EHMT1: variants seen among roughly 807,000 people sequenced by gnomAD.
EHMT1 encodes the protein histone-lysine N-methyltransferase EHMT1.
In EHMT1, 15 loss-of-function variants were observed where a neutral mutation model predicts 147.2. The ratio of observed to expected loss-of-function variants is 0.10; its 90% CI spans 0.07 to 0.16. The LOEUF is 0.16. EHMT1 is among the 10% of genes least tolerant of loss of function. The probability of loss-of-function intolerance (pLI) is 1.00; values close to 1 mark genes in which losing one functional copy is unlikely to be tolerated. For synonymous variants in EHMT1, 795 were observed against 709.6 expected, an observed-to-expected ratio of 1.12 and a Z score of -1.91; for missense variants, 1,587 against 1,772.4, an observed-to-expected ratio of 0.90 and a Z score of 1.88.
At chr9:137,636,490 CT>C (rs1389922938) in intron 1 of EHMT1, among the ~76,000 whole-genome samples, 2 of 151,962 alleles carry the variant, frequency 1.3e-5, no homozygotes, top group African/African-American at 2.4e-5. Flanking sequence ...TAGAGGAAAG[CT>C]TTTAGTTTTT....
At chr9:137,748,714 T>C (rs1948746551) in intron 6 of EHMT1, among the ~76,000 whole-genome samples, 3 of 152,268 alleles carry the variant, frequency 2.0e-5, no homozygotes, top group Non-Finnish European at 4.4e-5. Flanking sequence ...TTGAATACTT[T>C]TTCACATACT....
At chr9:137,728,610 G>T (rs930986243) in intron 4 of EHMT1, 81 bp downstream of exon 4, 3 of 1,580,760 alleles carry the variant, frequency 1.9e-6, no homozygotes, top group East Asian at 4.5e-5. Flanking sequence ...GTTCTGTTTG[G>T]CTGTAAGTGC....
chr9:137,717,279 T>A, intron 3 of EHMT1, 97 bp downstream of exon 3: 1 of 1,474,112 alleles, frequency 6.8e-7, no homozygotes, highest in Non-Finnish European at 9.2e-7. Context: ...AGCCAGTAAG[T>A]GTCAGTGGTT....
In EHMT1 at chr9:137,776,460, T is replaced by G; in HGVS notation, c.1792-158T>G. ...CCACGGGAAGCATCGTTCCTCCTTC[T>G]TAACGATGCCTGGGGCCAAGACTGG... On this transcript the variant is annotated intron_variant, in intron 11 of 26. Coordinates refer to ENST00000460843, the MANE Select transcript of EHMT1 (RefSeq NM_024757.5). The surrounding 1 kb of genome is among the most constrained non-coding windows in gnomAD (Gnocchi z 4.4). 1 of 679,306 alleles carries G rather than the reference T, an allele frequency of 1.5e-6. No individual in the cohort carries two copies. The highest frequency in any genetic ancestry group is 1.7e-5 in the South Asian group (1 of 58,466). The allele number at this position is 679,306 out of a possible 1,614,324, so 42.1% of individuals were successfully genotyped here.
chr9:137,827,815 C>T (rs1955915999), intron 25 of EHMT1, among the ~76,000 whole-genome samples: 1 of 151,986 alleles, frequency 6.6e-6, no homozygotes, highest in Admixed American at 6.5e-5. Flanking sequence ...CTTGGCGCCC[C>T]AGGGAGCCCT....
intron 5 of EHMT1, 54 bp from the exon 6 acceptor site, chr9:137,743,848 T>C (rs1316275145): frequency 7.7e-6 from 12 of 1,556,258 alleles, no homozygotes; most frequent in Admixed American, 7.6e-5. Flanking sequence ...AAAGCAAGTT[T>C]GTTCATGATG....
chr9:137,793,433 G>A (rs1260309120), intron 16 of EHMT1, among the ~76,000 whole-genome samples: 2 of 152,234 alleles, frequency 1.3e-5, no homozygotes, highest in African/African-American at 4.8e-5. Context: ...ACTCTCACGC[G>A]TTGCTAGTGG....
chr9:137,793,511 A>G (rs1952679902), intron 16 of EHMT1, among the ~76,000 whole-genome samples: 1 of 152,250 alleles, frequency 6.6e-6, no homozygotes. Context: ...GCATAGGATT[A>G]CGCTGTGATC....
At chr9:137,684,204 T>C (rs1042024893) in intron 1 of EHMT1, among the ~76,000 whole-genome samples, 7 of 152,048 alleles carry the variant, frequency 4.6e-5, no homozygotes, top group African/African-American at 1.7e-4. Flanking sequence ...GGCTAATTTT[T>C]GTATTTTTTG....
intron 3 of EHMT1, among the ~76,000 whole-genome samples, chr9:137,719,020 T>C (rs1181507354): frequency 6.6e-6 from 1 of 152,178 alleles, no homozygotes; most frequent in Non-Finnish European, 1.5e-5. Context: ...CCCAGAGTGC[T>C]GGGATTACAG....
chr9:137,649,228 G>A (rs1425399553), intron 1 of EHMT1, among the ~76,000 whole-genome samples: 3 of 152,086 alleles, frequency 2.0e-5, no homozygotes, highest in Non-Finnish European at 2.9e-5. Context: ...TGGATCATGA[G>A]GTCAGGAGTT....
At chr9:137,805,823 T>G (rs900060504) in intron 18 of EHMT1, among the ~76,000 whole-genome samples, 7 of 151,612 alleles carry the variant, frequency 4.6e-5, no homozygotes, top group Non-Finnish European at 1.0e-4. Flanking sequence ...CCACCACGCC[T>G]GGCTAATTTT....
chr9:137,821,944 T>G (rs909108604), intron 25 of EHMT1, among the ~76,000 whole-genome samples: 7 of 152,190 alleles, frequency 4.6e-5, no homozygotes, highest in Admixed American at 6.5e-5. Context: ...TGGATCAACT[T>G]TATTGCAATT....
chr9:137,647,817 G>A (rs953815926), intron 1 of EHMT1, among the ~76,000 whole-genome samples: 12 of 151,988 alleles, frequency 7.9e-5, no homozygotes, highest in African/African-American at 2.4e-4. Context: ...GGCTGGTCTC[G>A]AACTCCTGAG....
intron 1 of EHMT1, among the ~76,000 whole-genome samples, chr9:137,646,714 T>G (rs932577287): frequency 6.6e-6 from 1 of 152,212 alleles, no homozygotes; most frequent in African/African-American, 2.4e-5. Flanking sequence ...CTGGGTTTGA[T>G]CCCCTCACTG....
At chr9:137,768,478 C>T (rs1950366974) in intron 10 of EHMT1, among the ~76,000 whole-genome samples, 2 of 147,350 alleles carry the variant, frequency 1.4e-5, no homozygotes, top group Non-Finnish European at 3.0e-5. Context: ...CTCAGCCTCC[C>T]AAGTAGTTGG....
At chr9:137,739,451 T>A (rs1340707412) in intron 4 of EHMT1, among the ~76,000 whole-genome samples, 1 of 152,160 alleles carries the variant, frequency 6.6e-6, no homozygotes, top group Non-Finnish European at 1.5e-5. Context: ...GTGTCCACAC[T>A]TGGGTAGAAG....
intron 25 of EHMT1, among the ~76,000 whole-genome samples, chr9:137,824,207 C>T (rs958901728): frequency 2.6e-5 from 4 of 152,112 alleles, no homozygotes; most frequent in Non-Finnish European, 4.4e-5. Flanking sequence ...GAGCCGTGAT[C>T]GAGCCACTGC....
intron 16 of EHMT1, among the ~76,000 whole-genome samples, chr9:137,791,360 A>C (rs1380475098): frequency 6.6e-6 from 1 of 152,206 alleles, no homozygotes; most frequent in Non-Finnish European, 1.5e-5. Flanking sequence ...ATATGTAGAA[A>C]ATCCTAAAGA....
Sources: allele counts gnomAD v4.1 joint callset (sites outside exome capture counted in the v4.1 genomes callset), GRCh38; gene constraint gnomAD v4.1.1; non-coding constraint Gnocchi (gnomAD v3.1); transcripts MANE v1.5; gene names NCBI Gene and HGNC (gene_info 2026-07-23, HGNC 2026-07-21).